Variants in LRRTM4 observed in about 807,000 individuals in gnomAD.
The protein encoded by LRRTM4 is leucine-rich repeat transmembrane neuronal protein 4.
LRRTM4 carries 25 observed loss-of-function variants against 47.6 expected under a neutral mutation model. The observed-to-expected ratio is 0.53, with a 90% confidence interval of 0.38 to 0.73. LRRTM4 has a LOEUF of 0.73. LRRTM4 is among the 30% of genes least tolerant of loss of function. The pLI, the probability that LRRTM4 is intolerant of heterozygous loss-of-function variation, is 0.00. For missense variants in LRRTM4, 638 were observed against 713.4 expected, an observed-to-expected ratio of 0.89 and a Z score of 1.20; for synonymous variants, 311 against 269.5, an observed-to-expected ratio of 1.15 and a Z score of -1.51.
intron 3 of LRRTM4, among the ~76,000 whole-genome samples, chr2:77,482,904 C>T (rs758303846): frequency 6.6e-6 from 1 of 151,834 alleles, no homozygotes; most frequent in Non-Finnish European, 1.5e-5. Context: ...AGGCAGATCA[C>T]AAGGTCAGAA....
At position 77,508,554 on chromosome 2, in the gene LRRTM4, T is replaced by A. The variant is rs186140136; in HGVS notation, c.1551+9764A>T. ...TCAAGCAAATGTAACATTATTATTTTGTCTTTTTTGTCTTTATGGGGTTTG... is the reference window on the plus strand; with the variant it reads ...TCAAGCAAATGTAACATTATTATTTAGTCTTTTTTGTCTTTATGGGGTTTG... On this transcript the variant is annotated intron_variant, in intron 3 of 3. Transcript: ENST00000409884. Among the ~76,000 whole-genome samples the A allele has an allele frequency of 1.9e-4, 29 of 152,052 alleles. No individual in the cohort carries two copies. The East Asian group carries it at 5.6e-3, about 29-fold the overall frequency.
intron 3 of LRRTM4, among the ~76,000 whole-genome samples, chr2:76,842,829 A>T (rs1671724954): frequency 6.6e-6 from 1 of 152,176 alleles, no homozygotes; most frequent in South Asian, 2.1e-4. Context: ...GCACCTATCA[A>T]ACCATTGTCT....
intron 3 of LRRTM4, among the ~76,000 whole-genome samples, chr2:76,772,084 T>C (rs904638010): frequency 6.6e-6 from 1 of 152,176 alleles, no homozygotes; most frequent in Admixed American, 6.5e-5. Flanking sequence ...TAACACCCAA[T>C]TCGATGGTAT....
chr2:77,314,225 T>G (rs1677554501), intron 3 of LRRTM4, among the ~76,000 whole-genome samples: 1 of 152,334 alleles, frequency 6.6e-6, no homozygotes, highest in East Asian at 1.9e-4. Flanking sequence ...CATAATTATA[T>G]AACTCTTCAT....
At chr2:77,436,117 T>C (rs1675589320) in intron 3 of LRRTM4, among the ~76,000 whole-genome samples, 2 of 152,094 alleles carry the variant, frequency 1.3e-5, no homozygotes, top group South Asian at 4.1e-4. Context: ...AGAAAACATA[T>C]TAAAAGCGGT....
chr2:76,801,936 G>A (rs1347109278), intron 3 of LRRTM4, among the ~76,000 whole-genome samples: 8 of 152,070 alleles, frequency 5.3e-5, no homozygotes, highest in Non-Finnish European at 1.0e-4. Flanking sequence ...TCATGGTAAA[G>A]ACTCTTGAGA....
Position 77,519,145 on chromosome 2 carries a change from G to A in LRRTM4, c.724C>T (p.Arg242Cys), listed in dbSNP as rs200699710. The change falls in exon 3 of 4, where the codon CGC (arginine) becomes TGC (cysteine). Residue 242 changes from arginine (R) to cysteine (C), a missense_variant. Arg to Cys is a radical substitution (Grantham distance 180). Coordinates refer to ENST00000409884, the MANE Select transcript of LRRTM4 (RefSeq NM_001134745.3). This position sits in a 1 kb window ranked among gnomAD's most constrained non-coding sequence, Gnocchi z 4.6. ...RSIYLQWNRI[R>C]SISQGLTWTW... The stretch of plus-strand genomic sequence containing the variant: ...CATGTCAAACCTTGGCTAATGGAGC[G>A]AATCCTGTTCCATTGTAAGTAAATT... 5 of 1,613,114 alleles carry A rather than the reference G, an allele frequency of 3.1e-6. No individual in the cohort carries two copies. The highest frequency in any genetic ancestry group is 2.7e-5 in the African/African-American group (2 of 75,004).
At chr2:77,468,392 G>T (rs532675888) in intron 3 of LRRTM4, among the ~76,000 whole-genome samples, 8 of 152,074 alleles carry the variant, frequency 5.3e-5, no homozygotes, top group Non-Finnish European at 7.4e-5. Flanking sequence ...CACATTTCCT[G>T]TCTACAAGAA....
intron 3 of LRRTM4, among the ~76,000 whole-genome samples, chr2:77,339,600 T>C (rs558223974): frequency 5.9e-5 from 9 of 152,190 alleles, no homozygotes; most frequent in African/African-American, 2.2e-4. Flanking sequence ...AAAAATGAAG[T>C]GGTGAAGACC....
intron 3 of LRRTM4, among the ~76,000 whole-genome samples, chr2:76,995,040 C>T (rs1047137487): frequency 2.0e-5 from 3 of 151,886 alleles, no homozygotes; most frequent in African/African-American, 7.3e-5. Context: ...ACAAGTCTGT[C>T]TTATTATAAG....
intron 3 of LRRTM4, among the ~76,000 whole-genome samples, chr2:77,432,153 T>C (rs1384032709): frequency 6.6e-6 from 1 of 152,200 alleles, no homozygotes. Context: ...GACAACATTA[T>C]ATCTTAAAGC....
rs933421458 is a variant in LRRTM4, at chr2:77,368,361, A to G, written c.1551+149957T>C. ...TGACATAGCCCATTATTAGAGGGGCATCCAGTTTGGTTTTAGTTCTTTCTT... is the reference window on the plus strand; with the variant it reads ...TGACATAGCCCATTATTAGAGGGGCGTCCAGTTTGGTTTTAGTTCTTTCTT... On this transcript the variant is annotated intron_variant, in intron 3 of 3. Coordinates refer to ENST00000409884, the MANE Select transcript of LRRTM4 (RefSeq NM_001134745.3). Among the ~76,000 whole-genome samples the G allele has an allele frequency of 2.6e-5, 4 of 151,938 alleles. No homozygotes were observed. The South Asian group carries it at 8.3e-4, about 31-fold the overall frequency.
intron 3 of LRRTM4, among the ~76,000 whole-genome samples, chr2:77,431,204 G>A (rs1350931389): frequency 6.7e-6 from 1 of 148,860 alleles, no homozygotes; most frequent in Non-Finnish European, 1.5e-5. Flanking sequence ...GCATGCTTTC[G>A]ATTTTGTCTT....
At chr2:76,881,129 A>T (rs1364770169) in intron 3 of LRRTM4, among the ~76,000 whole-genome samples, 1 of 152,182 alleles carries the variant, frequency 6.6e-6, no homozygotes, top group African/African-American at 2.4e-5. Flanking sequence ...ATTTGAGATT[A>T]TGGATATGCT....
chr2:77,278,277 A>G (rs935639065), intron 3 of LRRTM4, among the ~76,000 whole-genome samples: 1 of 151,988 alleles, frequency 6.6e-6, no homozygotes, highest in African/African-American at 2.4e-5. Context: ...CACCAGAAAA[A>G]TTTTCTAAAT....
intron 3 of LRRTM4, among the ~76,000 whole-genome samples, chr2:77,054,963 C>T (rs1340790268): frequency 6.6e-6 from 1 of 152,220 alleles, no homozygotes; most frequent in Non-Finnish European, 1.5e-5. Context: ...AACCAGATCA[C>T]TTGCTTCTCT....
chr2:77,516,180 T>C (rs1679202006), intron 3 of LRRTM4, among the ~76,000 whole-genome samples: 1 of 151,916 alleles, frequency 6.6e-6, no homozygotes, highest in Admixed American at 6.6e-5. Flanking sequence ...CATTCTTCAT[T>C]ACTTAATGCC....
chr2:77,237,997 GAGGA>G (rs1675152838), intron 3 of LRRTM4, among the ~76,000 whole-genome samples: 1 of 152,052 alleles, frequency 6.6e-6, no homozygotes, highest in Non-Finnish European at 1.5e-5. Flanking sequence ...ATGGGGTGGG[GAGGA>G]AATGAAGACA....
chr2:77,485,321 A>G (rs558999076), intron 3 of LRRTM4, among the ~76,000 whole-genome samples: 13 of 152,310 alleles, frequency 8.5e-5, no homozygotes, highest in African/African-American at 3.1e-4. Flanking sequence ...ACAAAGTCAC[A>G]GGGAAAACTG....
Sources: gnomAD v4.1 joint callset for allele counts (sites outside exome capture counted in the v4.1 genomes callset) on GRCh38, gnomAD v4.1.1 for gene constraint, Gnocchi (gnomAD v3.1) non-coding constraint, MANE v1.5 for transcripts, NCBI Gene and HGNC (gene_info 2026-07-23, HGNC 2026-07-21) for gene names.